Variants in ABHD12 observed in about 807,000 individuals in gnomAD.
ABHD12 encodes abhydrolase domain containing 12, lysophospholipase, also known as lysophosphatidylserine lipase ABHD12.
ABHD12 carries 43 observed loss-of-function variants against 58.3 expected under a neutral mutation model. The observed-to-expected ratio is 0.74, with a 90% CI of 0.58 to 0.95. The LOEUF (loss-of-function observed/expected upper bound fraction) is 0.95. ABHD12 is among the 40% of genes least tolerant of loss of function. The pLI is 0.00. For missense variants in ABHD12, 539 were observed against 537.2 expected, an observed-to-expected ratio of 1.00 and a Z score of -0.03; for synonymous variants, 219 against 211.2, an observed-to-expected ratio of 1.04 and a Z score of -0.32.
downstream of ABHD12, chr20:25,296,252 C>T (rs1242782584): frequency 1.8e-5 from 23 of 1,266,128 alleles, no homozygotes; most frequent in East Asian, 4.8e-5. Flanking sequence ...CCTCTTCCAG[C>T]GGATGGCCCC....
At chr20:25,317,108 C>A (rs770236320) in intron 4 of ABHD12, 30 bp from the exon 5 acceptor site, 4 of 1,592,188 alleles carry the variant, frequency 2.5e-6, no homozygotes, top group Non-Finnish European at 3.4e-6. Flanking sequence ...ATGGTGTGAG[C>A]ACATCTTCTC....
downstream of ABHD12, among the ~76,000 whole-genome samples, chr20:25,295,222 C>A (rs2088521881): frequency 6.6e-6 from 1 of 152,246 alleles, no homozygotes; most frequent in Admixed American, 6.5e-5. Flanking sequence ...AATGGAGATG[C>A]CGTTCCCCAG....
chr20:25,358,497 T>A (rs1217755009), intron 1 of ABHD12, among the ~76,000 whole-genome samples: 1 of 152,246 alleles, frequency 6.6e-6, no homozygotes, highest in Non-Finnish European at 1.5e-5. Context: ...CTAACATTAC[T>A]GCCTGTTTCC....
chr20:25,363,645 T>C (rs1003531406), intron 1 of ABHD12, among the ~76,000 whole-genome samples: 4 of 152,092 alleles, frequency 2.6e-5, no homozygotes, highest in African/African-American at 9.7e-5. Flanking sequence ...GGCAGGTGGA[T>C]TACCTGAGGT....
rs578103208 is a variant in ABHD12 at position 25,357,781 on chromosome 20, C to A, written c.192-18430G>T. Among the ~76,000 whole-genome samples the A allele has an allele frequency of 2.7e-4, 41 of 152,202 alleles. No individual in the cohort carries two copies. In the South Asian group the frequency reaches 8.5e-3, roughly 32 times the overall value. The stretch of plus-strand genomic sequence containing the variant: ...ATCCCAGCACTTTGGAAGGACAAGG[C>A]AGGAGGATCACTGGAGCCCAAGAGT... On this transcript the variant is annotated intron_variant, in intron 1 of 12. Coordinates refer to ENST00000339157, the MANE Select transcript of ABHD12 (RefSeq NM_001042472.3).
chr20:25,337,963 A>C (rs2089400035), intron 2 of ABHD12, among the ~76,000 whole-genome samples: 1 of 152,210 alleles, frequency 6.6e-6, no homozygotes, highest in South Asian at 2.1e-4. Context: ...CATGTGTTTT[A>C]CAGTTATTTT....
At chr20:25,305,290 T>C (rs1011070256) in intron 10 of ABHD12, among the ~76,000 whole-genome samples, 4 of 152,216 alleles carry the variant, frequency 2.6e-5, no homozygotes, top group Non-Finnish European at 5.9e-5. Context: ...ACATACTTGA[T>C]GGGAAAAAAT....
At position 25,303,555 on chromosome 20, in the gene ABHD12, T is replaced by G; in HGVS notation, c.1024A>C (p.Arg342=). The G allele has an allele frequency of 6.2e-7, 1 of 1,613,676 alleles. No homozygotes were observed. Among genetic ancestry groups the G allele is most frequent in the Non-Finnish European group, 8.5e-7 (1 of 1,179,958 alleles). The change falls in exon 11 of 13, where the codon AGA becomes CGA. Residue 342 remains arginine, a synonymous_variant. Transcript: ENST00000339157. The part of the protein sequence containing the change: ...DDPVVPFQLG[R]KLYSIAAPAR... Reference sequence around the variant, plus strand: ...AGGCAGAGGCCAGGACCCACCTTTCTGCCAAGCTGGAAGGGCACCACCGGG... The same window carrying G: ...AGGCAGAGGCCAGGACCCACCTTTCGGCCAAGCTGGAAGGGCACCACCGGG...
At chr20:25,351,625 T>C (rs866509429) in intron 1 of ABHD12, among the ~76,000 whole-genome samples, 23 of 152,208 alleles carry the variant, frequency 1.5e-4, no homozygotes, top group African/African-American at 4.6e-4. Context: ...TATTATCATT[T>C]AAAATAAACT....
chr20:25,380,251 A>G (rs552770675), intron 1 of ABHD12, among the ~76,000 whole-genome samples: 1 of 151,952 alleles, frequency 6.6e-6, no homozygotes. Context: ...TACAATTACC[A>G]TTGAGTGGTT....
At chr20:25,372,376 G>A (rs1365399626) in intron 1 of ABHD12, among the ~76,000 whole-genome samples, 1 of 152,098 alleles carries the variant, frequency 6.6e-6, no homozygotes, top group Non-Finnish European at 1.5e-5. Flanking sequence ...TCGTAAAGAT[G>A]GAGTCTATAA....
chr20:25,359,423 C>CAA (rs565367954), intron 1 of ABHD12, among the ~76,000 whole-genome samples: 6,471 of 62,128 alleles, frequency 0.1, 567 homozygotes, highest in East Asian at 0.48. Flanking sequence ...GACTCCGTCT[C>CAA]AAAAAAAAAA....
chr20:25,349,917 C>T (rs2089575488), intron 1 of ABHD12, among the ~76,000 whole-genome samples: 1 of 152,178 alleles, frequency 6.6e-6, no homozygotes, highest in Non-Finnish European at 1.5e-5. Flanking sequence ...ATATATATTT[C>T]ATCCCAATAA....
chr20:25,354,126 A>G (rs1216024531), intron 1 of ABHD12, among the ~76,000 whole-genome samples: 1 of 152,246 alleles, frequency 6.6e-6, no homozygotes, highest in African/African-American at 2.4e-5. Flanking sequence ...ACCTAAAGCA[A>G]ATTCCTAAGT....
chr20:25,361,060 G>A (rs1211938063), intron 1 of ABHD12, among the ~76,000 whole-genome samples: 4 of 152,216 alleles, frequency 2.6e-5, no homozygotes, highest in African/African-American at 7.2e-5. Flanking sequence ...ACAGGCCAAG[G>A]TGAGCTTAGC....
intron 12 of ABHD12, 48 bp from the exon 13 acceptor site, chr20:25,300,932 G>A: frequency 3.8e-6 from 6 of 1,589,634 alleles, no homozygotes; most frequent in Non-Finnish European, 5.2e-6. Flanking sequence ...TCAGACCAAA[G>A]ATCCTTCTCC....
chr20:25,354,448 T>C (rs1031781501), intron 1 of ABHD12, among the ~76,000 whole-genome samples: 1 of 152,244 alleles, frequency 6.6e-6, no homozygotes, highest in African/African-American at 2.4e-5. Flanking sequence ...GCCCAGTTTT[T>C]AAACATTCTG....
intron 2 of ABHD12, among the ~76,000 whole-genome samples, chr20:25,338,498 G>A (rs377155233): frequency 6.6e-6 from 1 of 152,140 alleles, no homozygotes; most frequent in Non-Finnish European, 1.5e-5. Flanking sequence ...TTGTAGGACT[G>A]TTCCCAGGGC....
At chr20:25,369,214 G>A (rs2089866396) in intron 1 of ABHD12, among the ~76,000 whole-genome samples, 1 of 152,084 alleles carries the variant, frequency 6.6e-6, no homozygotes, top group Non-Finnish European at 1.5e-5. Flanking sequence ...GTAATGTTGG[G>A]CATCTATTCA....
Sources: allele counts gnomAD v4.1 joint callset (sites outside exome capture counted in the v4.1 genomes callset), GRCh38; gene constraint gnomAD v4.1.1; transcripts MANE v1.5; gene names NCBI Gene and HGNC (gene_info 2026-07-23, HGNC 2026-07-21).